Variants in ADAMTS17 observed in about 807,000 individuals in gnomAD.
ADAMTS17 encodes the protein A disintegrin and metalloproteinase with thrombospondin motifs 17.
A neutral mutation model predicts 141.5 loss-of-function variants in ADAMTS17; 113 were observed. That is an observed-to-expected ratio of 0.80 (90% CI 0.69 to 0.93). The LOEUF (loss-of-function observed/expected upper bound fraction) is 0.93, where lower values mean the gene tolerates loss of function less well. ADAMTS17 is among the 40% of genes least tolerant of loss of function. The pLI, the probability that ADAMTS17 is intolerant of heterozygous loss-of-function variation, is 0.00. For missense variants in ADAMTS17, 1,659 were observed against 1,517.9 expected, an observed-to-expected ratio of 1.09 and a Z score of -1.54; for synonymous variants, 768 against 630.6, an observed-to-expected ratio of 1.22 and a Z score of -3.27.
intron 7 of ADAMTS17, among the ~76,000 whole-genome samples, chr15:100,239,222 T>A (rs566267689): frequency 6.6e-6 from 1 of 152,346 alleles, no homozygotes; most frequent in South Asian, 2.1e-4. Context: ...TTTTCCCACA[T>A]GCAGAATGGA....
At chr15:100,128,025 A>C (rs56346014) in intron 12 of ADAMTS17, among the ~76,000 whole-genome samples, 1 of 151,870 alleles carries the variant, frequency 6.6e-6, no homozygotes, top group Non-Finnish European at 1.5e-5. Flanking sequence ...CACCCTCCTC[A>C]TGACCAGACA....
In ADAMTS17 at chr15:100,209,113, C is replaced by CAAA. The variant is rs60742726; in HGVS notation, c.1076-9693_1076-9691dup. On this transcript the variant is annotated intron_variant, in intron 7 of 21. Transcript: ENST00000268070. ...TGCATGGAAATATTTGCCAAGTTAGCAAAAAAAAAAAAAAAAAAAAGGAAG... is the reference window on the plus strand; with the variant it reads ...TGCATGGAAATATTTGCCAAGTTAGCAAAAAAAAAAAAAAAAAAAAAAAGGAAG... Among the ~76,000 whole-genome samples, 462 of 96,842 alleles carry CAAA rather than the reference C, an allele frequency of 4.8e-3. 9 individuals carry two copies. The highest frequency in any genetic ancestry group is 0.013 in the East Asian group (45 of 3,432). The allele number at this position is 96,842 out of a possible 152,430, so 63.5% of individuals were successfully genotyped here.
intron 4 of ADAMTS17, among the ~76,000 whole-genome samples, chr15:100,268,654 T>A (rs1466748672): frequency 6.6e-6 from 1 of 152,210 alleles, no homozygotes; most frequent in Non-Finnish European, 1.5e-5. Context: ...TTTGCACTGT[T>A]TAAATTCCTT....
At chr15:100,075,548 C>G (rs78944459) in intron 15 of ADAMTS17, among the ~76,000 whole-genome samples, 2,876 of 152,290 alleles carry the variant, frequency 0.019, 92 homozygotes, top group African/African-American at 0.064. Flanking sequence ...CTGCTGGTTA[C>G]TGCCCTATTA....
chr15:100,063,853 C>G, intron 15 of ADAMTS17: 1 of 842,754 alleles, frequency 1.2e-6, no homozygotes, highest in South Asian at 1.4e-5. Context: ...TACCAAGCCC[C>G]CCACAGTGGC....
intron 3 of ADAMTS17, among the ~76,000 whole-genome samples, chr15:100,295,792 A>G (rs2044788938): frequency 6.6e-6 from 1 of 152,218 alleles, no homozygotes; most frequent in South Asian, 2.1e-4. Flanking sequence ...GGCTAGACAC[A>G]AGCTGACATA....
chr15:100,144,575 A>T lies in ADAMTS17; in HGVS notation c.1473+8037T>A, dbSNP rs985546151. On this transcript the variant is annotated intron_variant, in intron 10 of 21. Coordinates refer to ENST00000268070, the MANE Select transcript of ADAMTS17 (RefSeq NM_139057.4). ...GAAAAAAAAAAAATCTGTGATTCCT[A>T]ATCACAGTGGCAGTCACGGGTATGG... 2.6e-5 allele frequency among the ~76,000 whole-genome samples: 4 copies of T among 152,016 alleles called. No individual in the cohort carries two copies. In the South Asian group the frequency reaches 6.3e-4, roughly 24 times the overall value.
At chr15:100,076,654 G>A (rs142328723) in intron 15 of ADAMTS17, among the ~76,000 whole-genome samples, 5 of 152,230 alleles carry the variant, frequency 3.3e-5, no homozygotes, top group East Asian at 3.9e-4. Context: ...AGTGAAATTC[G>A]TTAGGACATA....
At chr15:100,058,384 A>T (rs2032823299) in intron 15 of ADAMTS17, among the ~76,000 whole-genome samples, 1 of 151,678 alleles carries the variant, frequency 6.6e-6, no homozygotes, top group Admixed American at 6.6e-5. Context: ...CCCAGCTCTA[A>T]CACTCCTGAG....
intron 19 of ADAMTS17, among the ~76,000 whole-genome samples, chr15:99,996,707 C>T (rs146488558): frequency 1.5e-4 from 23 of 152,188 alleles, no homozygotes; most frequent in African/African-American, 4.8e-4. Context: ...CTTGGATGAG[C>T]GTCTCTGAGT....
At chr15:100,287,243 T>C (rs140135540) in intron 3 of ADAMTS17, among the ~76,000 whole-genome samples, 1,702 of 152,168 alleles carry the variant, frequency 0.011, 15 homozygotes, top group Non-Finnish European at 0.017. Flanking sequence ...AAGAATTTCA[T>C]AATGCAATCG....
At chr15:100,131,440 A>G (rs866693484) in intron 12 of ADAMTS17, among the ~76,000 whole-genome samples, 3 of 152,118 alleles carry the variant, frequency 2.0e-5, no homozygotes, top group African/African-American at 7.2e-5. Flanking sequence ...TATCACCATC[A>G]AGCCCAAAAT....
chr15:100,116,143 A>AC (rs1567200861), intron 13 of ADAMTS17, among the ~76,000 whole-genome samples: 3 of 149,878 alleles, frequency 2.0e-5, no homozygotes, highest in African/African-American at 7.5e-5. Context: ...AAAAAAAAAA[A>AC]AAAAAAAAAA....
intron 10 of ADAMTS17, among the ~76,000 whole-genome samples, chr15:100,152,170 A>G (rs1486750416): frequency 6.6e-6 from 1 of 152,198 alleles, no homozygotes; most frequent in African/African-American, 2.4e-5. Flanking sequence ...TCCCAATTTG[A>G]TACGCTCAAA....
intron 12 of ADAMTS17, chr15:100,129,400 C>A (rs773991182): frequency 6.6e-6 from 1 of 152,344 alleles, no homozygotes; most frequent in South Asian, 2.1e-4. Context: ...CCCATGAATT[C>A]TTCCAAGTTT....
At chr15:100,153,299 C>T (rs1196957905) in intron 9 of ADAMTS17, among the ~76,000 whole-genome samples, 1 of 152,132 alleles carries the variant, frequency 6.6e-6, no homozygotes, top group African/African-American at 2.4e-5. Flanking sequence ...TTCAGGATTT[C>T]AACTGGGGTG....
chr15:100,216,946 G>A (rs2041987553), intron 7 of ADAMTS17, among the ~76,000 whole-genome samples: 2 of 152,164 alleles, frequency 1.3e-5, no homozygotes, highest in African/African-American at 4.8e-5. Context: ...GTGCCTTCCT[G>A]CTCTAGACTT....
rs187153651 is a variant in ADAMTS17, at chr15:100,197,608, A to C, written c.1181+1710T>G. Among the ~76,000 whole-genome samples the C allele has an allele frequency of 1.7e-4, 26 of 152,308 alleles. 1 individual carries two copies. The highest frequency in any genetic ancestry group is 1.4e-3 in the Admixed American group (21 of 15,300). ...TATTTTTAAAAATAGTGTTGAGATG[A>C]GATAACTGTGCACTCAGAGACAACT... On this transcript the variant is annotated intron_variant, in intron 8 of 21. Transcript: ENST00000268070.
intron 7 of ADAMTS17, among the ~76,000 whole-genome samples, chr15:100,241,392 C>T (rs75373639): frequency 0.045 from 6,808 of 152,282 alleles, 343 homozygotes; most frequent in African/African-American, 0.11. Flanking sequence ...GTCTTCAACG[C>T]TTTGAGACCT....
Sources: allele counts gnomAD v4.1 joint callset (sites outside exome capture counted in the v4.1 genomes callset), GRCh38; gene constraint gnomAD v4.1.1; transcripts MANE v1.5; gene names NCBI Gene and HGNC (gene_info 2026-07-23, HGNC 2026-07-21).